KPNA4: variants seen among roughly 807,000 people sequenced by gnomAD.
KPNA4 encodes importin subunit alpha-3.
KPNA4 carries 13 observed loss-of-function variants against 71.3 expected under a neutral mutation model. The ratio of observed to expected loss-of-function variants is 0.18; its 90% CI spans 0.12 to 0.29. KPNA4 has a LOEUF of 0.29. KPNA4 is among the 10% of genes least tolerant of loss of function. The probability of loss-of-function intolerance (pLI) is 1.00; values close to 1 mark genes in which losing one functional copy is unlikely to be tolerated. For missense variants in KPNA4, 334 were observed against 603.2 expected, an observed-to-expected ratio of 0.55 and a Z score of 4.67; for synonymous variants, 189 against 195.2, an observed-to-expected ratio of 0.97 and a Z score of 0.26.
intron 12 of KPNA4, 187 bp downstream of exon 12, chr3:160,515,265 T>C: frequency 1.5e-6 from 1 of 656,030 alleles, no homozygotes; most frequent in Non-Finnish European, 2.7e-6. Context: ...TTTTCATAAC[T>C]GGTTTTATGT....
chr3:160,565,139 C>G, intron 1 of KPNA4, 75 bp downstream of exon 1: 1 of 1,308,390 alleles, frequency 7.6e-7, no homozygotes, highest in Non-Finnish European at 1.1e-6. Context: ...CCCCTAATCC[C>G]CACACTCGGG....
chr3:160,545,978 A>G (rs777598267), intron 1 of KPNA4, among the ~76,000 whole-genome samples: 5 of 152,156 alleles, frequency 3.3e-5, no homozygotes, highest in Non-Finnish European at 7.4e-5. Context: ...TTGGGGGGTA[A>G]TATCACTTTT....
At chr3:160,545,192 CT>C (rs754815199) in intron 1 of KPNA4, among the ~76,000 whole-genome samples, 23 of 152,248 alleles carry the variant, frequency 1.5e-4, no homozygotes, top group Admixed American at 3.9e-4. Flanking sequence ...TCTTTGTGAA[CT>C]TATGTCAAAG....
At chr3:160,551,949 G>C (rs570340178) in intron 1 of KPNA4, among the ~76,000 whole-genome samples, 1 of 141,754 alleles carries the variant, frequency 7.1e-6, no homozygotes, top group Admixed American at 7.0e-5. Flanking sequence ...TGGGGGGGGG[G>C]GGGTGATGTG....
chr3:160,509,376 T>A (rs1158085131), intron 14 of KPNA4, among the ~76,000 whole-genome samples: 1 of 152,166 alleles, frequency 6.6e-6, no homozygotes, highest in Non-Finnish European at 1.5e-5. Flanking sequence ...ACTTAAGAAG[T>A]CTGTTCATTC....
At chr3:160,547,243 A>C (rs1280006399) in intron 1 of KPNA4, among the ~76,000 whole-genome samples, 1 of 152,194 alleles carries the variant, frequency 6.6e-6, no homozygotes, top group Admixed American at 6.5e-5. Flanking sequence ...AATACTGCTA[A>C]AATCTCCCTT....
Position 160,515,494 on chromosome 3 carries a change from G to A in KPNA4, c.990C>T (p.His330=). 1.2e-6 allele frequency: 2 copies of A among 1,613,800 alleles called. No homozygotes were observed. ...QVVLNCDALS[H]FPALLTHPKE... The stretch of plus-strand genomic sequence containing the variant: ...TGGGATGTGTCAGGAGTGCTGGGAA[G>A]TGTGAAAGAGCATCACAGTTCAAAA... Residue 330 remains histidine, a synonymous_variant, in exon 12 of 17, where the codon CAC becomes CAT. Transcript: ENST00000334256.
intron 11 of KPNA4, among the ~76,000 whole-genome samples, chr3:160,519,764 C>T (rs1455636212): frequency 2.7e-4 from 37 of 138,336 alleles, no homozygotes; most frequent in Admixed American, 9.3e-4. Flanking sequence ...CACTGCAGTC[C>T]GCAGTCCGGC....
rs1720734775 is a variant in KPNA4 at position 160,495,338 on chromosome 3, A to C, written c.*6766T>G. The C allele has an allele frequency of 6.6e-6, 1 of 152,216 alleles. No individual in the cohort carries two copies. The highest frequency in any genetic ancestry group is 2.4e-5 in the African/African-American group (1 of 41,444). The allele number at this position is 152,216 out of a possible 1,614,324, so 9.4% of individuals were successfully genotyped here. ...CGGTTGAGAAAGCCAGGATGCAAAC[A>C]AACATTTCCTATCTGCTGTGTATTT... On this transcript the variant is annotated 3_prime_UTR_variant, in exon 17 of 17. Transcript: ENST00000334256.
chr3:160,495,691 A>G lies in KPNA4; in HGVS notation c.*6413T>C, dbSNP rs1720743863. 1 of 151,470 alleles carries G rather than the reference A, an allele frequency of 6.6e-6. No homozygotes were observed. Among genetic ancestry groups the G allele is most frequent in the Non-Finnish European group, 1.5e-5 (1 of 67,956 alleles). 9.4% of individuals were successfully genotyped at this position (151,470 alleles called of 1,614,324 possible). ...GTTTTATCAGTGATACACATTGTGT[A>G]CTGCATTGGGGGCTTACTAGATGTG... is the stretch of plus-strand genomic sequence containing the variant. On this transcript the variant is annotated 3_prime_UTR_variant, in exon 17 of 17. Coordinates refer to ENST00000334256, the MANE Select transcript of KPNA4 (RefSeq NM_002268.5).
rs762218544 is a variant in KPNA4, at chr3:160,530,884, G to C, written c.440C>G (p.Ser147Cys). 1.9e-6 allele frequency: 3 copies of C among 1,612,360 alleles called. No individual in the cohort carries two copies. The Admixed American group carries it at 5.0e-5, about 27-fold the overall frequency. Residue 147 changes from serine (S) to cysteine (C), a missense_variant, in exon 7 of 17, where the codon TCT becomes TGT. Physicochemically the swap from Ser to Cys is moderately radical, Grantham distance 112. Coordinates refer to ENST00000334256, the MANE Select transcript of KPNA4 (RefSeq NM_002268.5). ...CTGAACTACTGCTTGAGTTTGTTCA[G>C]AAGTTCCAGATGCAATGTTTGTCAA... ...WALTNIASGT[S>C]EQTQAVVQSN...
rs1242864569 is a variant in KPNA4, at chr3:160,501,005, ATGTTAT to A, written c.*1093_*1098del. On this transcript the variant is annotated 3_prime_UTR_variant, in exon 17 of 17. Transcript: ENST00000334256. Reference sequence around the variant, plus strand: ...AGATTTACCTCATGCAAAGATCTTTATGTTATCTCTGAAAATGAAAAGGATGGCCTT... The same window carrying A: ...AGATTTACCTCATGCAAAGATCTTTACTCTGAAAATGAAAAGGATGGCCTT... The A allele has an allele frequency of 1.3e-5, 2 of 152,574 alleles. No individual in the cohort carries two copies. The highest frequency in any genetic ancestry group is 2.9e-5 in the Non-Finnish European group (2 of 68,020). 9.5% of individuals were successfully genotyped at this position (152,574 alleles called of 1,614,324 possible).
rs535482597 is a variant in KPNA4 at position 160,565,414 on chromosome 3, C to T, written c.-132G>A. 1.4e-4 allele frequency: 100 copies of T among 703,782 alleles called. No individual in the cohort carries two copies. The Admixed American group carries it at 2.5e-3, about 17-fold the overall frequency. 43.6% of individuals were successfully genotyped at this position (703,782 alleles called of 1,614,324 possible). ...CCCGCCGCGCCGCCGCTTCCTTCCT[C>T]CTCTCACCTGCCTCCGCCGCGGCCT... On this transcript the variant is annotated 5_prime_UTR_variant, in exon 1 of 17. Transcript: ENST00000334256.
intron 11 of KPNA4, among the ~76,000 whole-genome samples, chr3:160,518,994 G>A (rs1172094038): frequency 6.6e-6 from 1 of 152,192 alleles, no homozygotes; most frequent in African/African-American, 2.4e-5. Flanking sequence ...GCTTTGCAGT[G>A]TTTTGAAAAT....
intron 2 of KPNA4, 110 bp downstream of exon 2, chr3:160,536,686 A>T: frequency 1.8e-6 from 1 of 542,978 alleles, no homozygotes; most frequent in Non-Finnish European, 3.2e-6. Context: ...TAGTTATACA[A>T]TAGGTTATAC....
At chr3:160,517,309 T>C (rs1721250300) in intron 11 of KPNA4, among the ~76,000 whole-genome samples, 1 of 152,128 alleles carries the variant, frequency 6.6e-6, no homozygotes, top group South Asian at 2.1e-4. Flanking sequence ...TTCCTTTTCA[T>C]GACCAAATAA....
rs547435827 is a variant in KPNA4 at position 160,496,462 on chromosome 3, G to C, written c.*5642C>G. The C allele has an allele frequency of 3.3e-5, 5 of 152,212 alleles. No homozygotes were observed. The highest frequency in any genetic ancestry group is 5.9e-5 in the Non-Finnish European group (4 of 67,998). 9.4% of individuals were successfully genotyped at this position (152,212 alleles called of 1,614,324 possible). ...ATTTTAAACAGCTGTTTCAAAGTAA[G>C]AGTAAAAACAGGCTGGAGAAAATCT... On this transcript the variant is annotated 3_prime_UTR_variant, in exon 17 of 17. Transcript: ENST00000334256.
intron 1 of KPNA4, among the ~76,000 whole-genome samples, chr3:160,551,226 A>C (rs1204635770): frequency 2.6e-5 from 4 of 152,230 alleles, no homozygotes; most frequent in Non-Finnish European, 5.9e-5. Flanking sequence ...TTAGGAATTT[A>C]TCCATTTCAT....
chr3:160,559,815 T>C (rs1722207609), intron 1 of KPNA4, among the ~76,000 whole-genome samples: 2 of 152,232 alleles, frequency 1.3e-5, no homozygotes, highest in Middle Eastern at 3.4e-3. Context: ...AATTCAGCTG[T>C]CTTAAGCCAA....
Sources: allele counts gnomAD v4.1 joint callset (sites outside exome capture counted in the v4.1 genomes callset), GRCh38; gene constraint gnomAD v4.1.1; transcripts MANE v1.5; gene names NCBI Gene and HGNC (gene_info 2026-07-23, HGNC 2026-07-21).